The following SPATA6L variants were observed in gnomAD, a reference collection of about 807,000 sequenced individuals.
SPATA6L encodes the protein spermatogenesis associated 6 like, also known as spermatogenesis associated 6-like protein.
A neutral mutation model predicts 49.2 loss-of-function variants in SPATA6L; 68 were observed. That is an observed-to-expected ratio of 1.38 (90% CI 1.14 to 1.69). The LOEUF (loss-of-function observed/expected upper bound fraction) is 1.69. SPATA6L is among the 40% of genes most tolerant of loss of function. SPATA6L has a pLI of 0.00. For missense variants in SPATA6L, 668 were observed against 464.3 expected (o/e 1.44, Z -4.03); for synonymous variants, 198 against 165.7 (o/e 1.19, Z -1.50).
chr9:4,606,270 G>GA (rs1554704141), intron 9 of SPATA6L, among the ~76,000 whole-genome samples: 1 of 145,328 alleles, frequency 6.9e-6, no homozygotes, highest in Non-Finnish European at 1.5e-5. Flanking sequence ...AAAGCAGCCG[G>GA]AAGCTCCAAC....
chr9:4,622,431 T>C lies in SPATA6L; in HGVS notation c.749A>G (p.Asp250Gly), dbSNP rs931917074. ...RRSRRKSKFS[D>G]FPFPTRRASS... Reference sequence around the variant, plus strand: ...ACCTCTTCTCGTTGGAAACGGAAAGTCTGAAAACTTAGATTTTCTTCTAGA... The same window carrying C: ...ACCTCTTCTCGTTGGAAACGGAAAGCCTGAAAACTTAGATTTTCTTCTAGA... The change falls in exon 7 of 12, where the codon GAC becomes GGC. Residue 250 changes from aspartate (D) to glycine (G), a missense_variant. Transcript: ENST00000682582. 6.2e-7 allele frequency: 1 copy of C among 1,613,330 alleles called. No homozygotes were observed. The highest frequency in any genetic ancestry group is 1.3e-5 in the African/African-American group (1 of 75,044).
chr9:4,604,622 G>C (rs1323437821), intron 10 of SPATA6L, among the ~76,000 whole-genome samples: 2 of 152,144 alleles, frequency 1.3e-5, no homozygotes, highest in Admixed American at 6.5e-5. Flanking sequence ...TTGCAGAAAA[G>C]AATTAAAGTA....
Position 4,643,345 on chromosome 9 carries a change from T to G in SPATA6L, c.227-7946A>C, listed in dbSNP as rs146128929. Among the ~76,000 whole-genome samples the G allele has an allele frequency of 3.8e-3, 584 of 152,284 alleles. 6 individuals are homozygous for G. Among genetic ancestry groups the G allele is most frequent in the South Asian group, 0.03 (144 of 4,824 alleles). The stretch of plus-strand genomic sequence containing the variant: ...CCAATTGACAGTATCCAGCATTAAC[T>G]AGGATATGGGGAAGGGGCATGCCAT... On this transcript the variant is annotated intron_variant, in intron 3 of 11. Transcript: ENST00000682582.
chr9:4,629,258 C>G (rs1250633024), intron 4 of SPATA6L, 90 bp from the exon 5 acceptor site: 1 of 810,014 alleles, frequency 1.2e-6, no homozygotes, highest in Non-Finnish European at 2.0e-6. Context: ...AAGAACCTAA[C>G]TGCTCTTCTG....
intron 13 of SPATA6L, among the ~76,000 whole-genome samples, chr9:4,589,425 G>C (rs1346967031): frequency 6.6e-6 from 1 of 152,168 alleles, no homozygotes; most frequent in African/African-American, 2.4e-5. Context: ...CTACCACGTG[G>C]TGCTGGCTGG....
Position 4,643,392 on chromosome 9 carries a change from G to C in SPATA6L, c.227-7993C>G, listed in dbSNP as rs571880263. Among the ~76,000 whole-genome samples, 6 of 152,290 alleles carry C rather than the reference G, an allele frequency of 3.9e-5. No homozygotes were observed. The East Asian group carries it at 1.2e-3, about 29-fold the overall frequency. ...CCATGCACTCCTGGATGCAGTAGAA[G>C]TATTGGAACCTTATTGGGGATCAGT... On this transcript the variant is annotated intron_variant, in intron 3 of 11. Transcript: ENST00000682582.
At chr9:4,642,528 A>C (rs1834254221) in intron 3 of SPATA6L, among the ~76,000 whole-genome samples, 1 of 152,222 alleles carries the variant, frequency 6.6e-6, no homozygotes, top group Admixed American at 6.5e-5. Context: ...AGAACCAAGA[A>C]GCAGAAGAAA....
chr9:4,609,659 G>A (rs919047882), intron 9 of SPATA6L, among the ~76,000 whole-genome samples: 1 of 151,400 alleles, frequency 6.6e-6, no homozygotes. Context: ...AATAATAAGA[G>A]CTATCTGTGA....
chr9:4,626,361 T>C, intron 5 of SPATA6L: 1 of 1,267,982 alleles, frequency 7.9e-7, no homozygotes, highest in Non-Finnish European at 1.0e-6. Flanking sequence ...TCCAAGCTCC[T>C]GTGGCACCAG....
In SPATA6L at chr9:4,662,584, C is replaced by G. The variant is rs891738704; in HGVS notation, c.40-548G>C. On this transcript the variant is annotated intron_variant, in intron 1 of 11. Coordinates refer to ENST00000682582, the MANE Select transcript of SPATA6L (RefSeq NM_001353486.2). This position sits in a 1 kb window ranked among gnomAD's most constrained non-coding sequence, Gnocchi z 4.9. Reference sequence around the variant, plus strand: ...GAGAGCCCAGTTCACCGCCGCGGCTCCTTCCCCCTGGCCGCGGCGGGCCCC... The same window carrying G: ...GAGAGCCCAGTTCACCGCCGCGGCTGCTTCCCCCTGGCCGCGGCGGGCCCC... The G allele has an allele frequency of 3.1e-6, 5 of 1,592,030 alleles. No homozygotes were observed. In the African/African-American group the frequency reaches 5.4e-5, roughly 17 times the overall value.
At chr9:4,655,565 T>C (rs1837951249) in intron 3 of SPATA6L, among the ~76,000 whole-genome samples, 1 of 152,044 alleles carries the variant, frequency 6.6e-6, no homozygotes, top group Non-Finnish European at 1.5e-5. Context: ...GTTTTTTTTT[T>C]TGAGATGGAG....
intron 6 of SPATA6L, among the ~76,000 whole-genome samples, chr9:4,624,390 T>C (rs1000436809): frequency 6.6e-6 from 1 of 152,204 alleles, no homozygotes; most frequent in African/African-American, 2.4e-5. Context: ...AATGGATAAA[T>C]TTTTTCTTGA....
chr9:4,590,700 C>T (rs1378349933), intron 13 of SPATA6L, among the ~76,000 whole-genome samples: 2 of 152,142 alleles, frequency 1.3e-5, no homozygotes, highest in Admixed American at 1.3e-4. Context: ...GGGGACAACT[C>T]CAGGATATTA....
intron 3 of SPATA6L, among the ~76,000 whole-genome samples, chr9:4,641,164 C>G (rs1379574494): frequency 6.0e-5 from 9 of 149,734 alleles, no homozygotes; most frequent in Non-Finnish European, 1.5e-5. Context: ...AGAAAACCAA[C>G]ATTTAGTATA....
intron 2 of SPATA6L, among the ~76,000 whole-genome samples, chr9:4,660,630 T>A (rs1839417954): frequency 6.6e-6 from 1 of 152,222 alleles, no homozygotes; most frequent in Non-Finnish European, 1.5e-5. Flanking sequence ...TGGTGATTCC[T>A]CAAGGATCTA....
At chr9:4,603,418 C>G (rs532263774) in intron 11 of SPATA6L, among the ~76,000 whole-genome samples, 1 of 152,116 alleles carries the variant, frequency 6.6e-6, no homozygotes, top group South Asian at 2.1e-4. Context: ...TGACAGAGCT[C>G]CATGTCAAAA....
intron 9 of SPATA6L, among the ~76,000 whole-genome samples, chr9:4,610,169 A>G (rs1826330589): frequency 1.3e-5 from 2 of 152,204 alleles, no homozygotes; most frequent in East Asian, 3.9e-4. Context: ...ATGGAAGAAC[A>G]TTCCATGCTC....
intron 5 of SPATA6L, chr9:4,626,255 GC>G: frequency 1.9e-6 from 1 of 517,784 alleles, no homozygotes; most frequent in Non-Finnish European, 2.8e-6. Context: ...CCCCTATTAT[GC>G]CAGGACTAGC....
chr9:4,599,223 A>T lies in SPATA6L; in HGVS notation c.*1588T>A, dbSNP rs1159706420. On this transcript the variant is annotated 3_prime_UTR_variant, in exon 12 of 12. Transcript: ENST00000682582. ...TGGAATTTTTCACTTATGGTGTTAT[A>T]TTGGTGCTCAAAAAGTTTTGGATTT... 6.6e-6 allele frequency among the ~76,000 whole-genome samples: 1 copy of T among 152,202 alleles called. No individual in the cohort carries two copies. The highest frequency in any genetic ancestry group is 2.4e-5 in the African/African-American group (1 of 41,452).
Sources: allele counts gnomAD v4.1 joint callset (sites outside exome capture counted in the v4.1 genomes callset), GRCh38; gene constraint gnomAD v4.1.1; non-coding constraint Gnocchi (gnomAD v3.1); transcripts MANE v1.5; gene names NCBI Gene and HGNC (gene_info 2026-07-23, HGNC 2026-07-21).